AKNAD1: variants seen among roughly 807,000 people sequenced by gnomAD.
AKNAD1 encodes the protein AKNA domain containing 1, also known as protein AKNAD1.
A neutral mutation model predicts 90.8 loss-of-function variants in AKNAD1; 67 were observed. The ratio of observed to expected loss-of-function variants is 0.74; its 90% confidence interval spans 0.61 to 0.90. AKNAD1 has a LOEUF of 0.90. Among genes scored for constraint, AKNAD1 ranks in the 40% least tolerant of loss-of-function variants. AKNAD1 has a pLI of 0.00. For missense variants in AKNAD1, 957 were observed against 975.4 expected (o/e 0.98, Z 0.25); for synonymous variants, 327 against 341.4 (o/e 0.96, Z 0.46).
chr1:108,818,833 G>A (rs1440630862), intron 14 of AKNAD1, among the ~76,000 whole-genome samples: 1 of 151,914 alleles, frequency 6.6e-6, no homozygotes, highest in African/African-American at 2.4e-5. Flanking sequence ...CATGGTGGCG[G>A]GTGCCTATAA....
rs1357935075 is a variant in AKNAD1 at position 108,852,350 on chromosome 1, A to C, written c.315T>G (p.Ser105=). 1.2e-6 allele frequency: 2 copies of C among 1,614,118 alleles called. No individual in the cohort carries two copies. The highest frequency in any genetic ancestry group is 1.7e-6 in the Non-Finnish European group (2 of 1,179,986). Residue 105 remains serine (S), a synonymous_variant, in exon 2 of 16, where the codon TCT becomes TCG. Transcript: ENST00000370001. ...GTAAAATATCAGAAATGCTTGACTT[A>C]GAAGCGTCTCCTTCATTTGCTGGAA... ...LHIPANEGDA[S]KSSISDILLH...
At position 108,852,229 on chromosome 1, in the gene AKNAD1, C is replaced by T. The variant is rs372173981; in HGVS notation, c.436G>A (p.Ala146Thr). The T allele has an allele frequency of 1.2e-6, 2 of 1,613,476 alleles. No homozygotes were observed. The highest frequency in any genetic ancestry group is 1.7e-5 in the Admixed American group (1 of 59,924). ...CATGAAATAATACTTTTAATAATAG[C>T]TTCCTCTTCAAAACTGTCGGCATTT... ...ISNADSFEEE[A>T]IIKSIISCYN... The change falls in exon 2 of 16, where the codon GCT (alanine) becomes ACT (threonine). Residue 146 changes from alanine to threonine, a missense_variant. Physicochemically the swap from Ala to Thr is moderately conservative, Grantham distance 58. Coordinates refer to ENST00000370001, the MANE Select transcript of AKNAD1 (RefSeq NM_152763.5).
chr1:108,817,947 T>C (rs1663674372), intron 14 of AKNAD1, among the ~76,000 whole-genome samples: 1 of 152,150 alleles, frequency 6.6e-6, no homozygotes, highest in Non-Finnish European at 1.5e-5. Context: ...TAAAAGCAGC[T>C]CCTTTTGAAG....
intron 14 of AKNAD1, chr1:108,817,496 A>ATTTT (rs1663652725): frequency 6.6e-5 from 3 of 45,154 alleles, no homozygotes; most frequent in African/African-American, 2.6e-4. Flanking sequence ...TTTTTTTTTT[A>ATTTT]ATTTTTTTTT....
intron 2 of AKNAD1, among the ~76,000 whole-genome samples, chr1:108,850,635 TA>T (rs111752026): frequency 0.091 from 12,682 of 139,668 alleles, 674 homozygotes; most frequent in African/African-American, 0.16. Context: ...AAATGGAAAT[TA>T]AAAAAAAGAG....
Position 108,816,052 on chromosome 1 carries a change from C to T in AKNAD1, c.*119G>A, listed in dbSNP as rs1021869739. ...TTGTGTTACCCATTTCTTATGGTTT[C>T]TGTGTTTTCTCTAGAAAGTCATCTT... On this transcript the variant is annotated 3_prime_UTR_variant, in exon 16 of 16. Transcript: ENST00000370001. 4 of 1,084,970 alleles carry T rather than the reference C, an allele frequency of 3.7e-6. No individual in the cohort carries two copies. Among genetic ancestry groups the T allele is most frequent in the African/African-American group, 3.2e-5 (2 of 61,942 alleles). The allele number at this position is 1,084,970 out of a possible 1,614,324, so 67.2% of individuals were successfully genotyped here.
rs762356395 is a variant in AKNAD1, at chr1:108,852,675, C to T, written c.-11G>A. 2.6e-6 allele frequency: 4 copies of T among 1,550,902 alleles called. No individual in the cohort carries two copies. In the Admixed American group the frequency reaches 8.1e-5, roughly 31 times the overall value. On this transcript the variant is annotated 5_prime_UTR_variant, in exon 2 of 16. Transcript: ENST00000370001. ...ATCAGCCTCATCCATGTGTGTGCAG[C>T]CCGATCGCTCTCGTCCTCTGCCTCC...
Position 108,852,489 on chromosome 1 carries a change from A to G in AKNAD1, c.176T>C (p.Met59Thr). 1 of 1,614,102 alleles carries G rather than the reference A, an allele frequency of 6.2e-7. No homozygotes were observed. Among genetic ancestry groups the G allele is most frequent in the Non-Finnish European group, 8.5e-7 (1 of 1,179,994 alleles). The change falls in exon 2 of 16, where the codon ATG becomes ACG. Residue 59 changes from methionine to threonine, a missense_variant. Met to Thr is a moderately conservative substitution (Grantham distance 81). Coordinates refer to ENST00000370001, the MANE Select transcript of AKNAD1 (RefSeq NM_152763.5). ...FIADDPQEKA[M>T]HSETCGNTAV... ...TGTATTTCCACAAGTCTCACTATGC[A>G]TAGCCTTCTCTTGAGGGTCATCTGC...
At chr1:108,819,955 C>T (rs1481376045) in intron 14 of AKNAD1, among the ~76,000 whole-genome samples, 1 of 150,692 alleles carries the variant, frequency 6.6e-6, no homozygotes. Flanking sequence ...TAATTGGCTT[C>T]CTCTTGCTCC....
chr1:108,826,148 T>C (rs1313688393), intron 11 of AKNAD1, among the ~76,000 whole-genome samples: 1 of 151,720 alleles, frequency 6.6e-6, no homozygotes, highest in Non-Finnish European at 1.5e-5. Flanking sequence ...ATGAACCCTA[T>C]TATTATTTGG....
chr1:108,832,223 T>C (rs1306711547), intron 9 of AKNAD1, among the ~76,000 whole-genome samples: 1 of 147,614 alleles, frequency 6.8e-6, no homozygotes, highest in African/African-American at 2.5e-5. Flanking sequence ...TTTTTTTTTT[T>C]TTTTTTTTTT....
chr1:108,827,611 G>T (rs766063988), intron 10 of AKNAD1, among the ~76,000 whole-genome samples: 7 of 150,182 alleles, frequency 4.7e-5, no homozygotes, highest in Non-Finnish European at 8.9e-5. Context: ...TCAGGAGATC[G>T]AGACCATCCT....
Position 108,852,885 on chromosome 1 carries a change from G to A in AKNAD1, c.-103-118C>T. ...AATTCAGTTACAAACAGGAAGGCAG[G>A]AAGCTCAACCACAAGCTGACCCAAC... On this transcript the variant is annotated intron_variant, in intron 1 of 15. Transcript: ENST00000370001. 7.4e-6 allele frequency: 3 copies of A among 403,320 alleles called. No individual in the cohort carries two copies. In the South Asian group the frequency reaches 3.1e-4, roughly 41 times the overall value. The allele number at this position is 403,320 out of a possible 1,614,324, so 25.0% of individuals were successfully genotyped here. A position where few individuals can be genotyped will look rare whatever the true frequency, so the allele number is the denominator to read the frequency against.
chr1:108,827,692 T>C (rs1664051227), intron 10 of AKNAD1, among the ~76,000 whole-genome samples: 1 of 150,414 alleles, frequency 6.6e-6, no homozygotes, highest in African/African-American at 2.4e-5. Flanking sequence ...TGGGTGCCTG[T>C]AGTCCCAGCT....
Position 108,817,241 on chromosome 1 carries a change from G to A in AKNAD1, c.2250-64C>T, listed in dbSNP as rs569594116. 2.8e-5 allele frequency: 45 copies of A among 1,595,264 alleles called. No individual in the cohort carries two copies. In the Admixed American group the frequency reaches 4.1e-4, roughly 14 times the overall value. On this transcript the variant is annotated intron_variant, in intron 14 of 15. Transcript: ENST00000370001. ...CACCCTCAAGCACACTCCTGTTCAC[G>A]TCAGCTCTGTGGTAGGTAATGGCTC... is the stretch of plus-strand genomic sequence containing the variant.
rs1208771963 is a variant in AKNAD1, at chr1:108,839,840, G to A, written c.1380-2134C>T. ...GTTCGAGACTAGCCTGGAAAACATA[G>A]GGAGACCATGTCTCTACAAAAAAAA... On this transcript the variant is annotated intron_variant, in intron 6 of 15. Coordinates refer to ENST00000370001, the MANE Select transcript of AKNAD1 (RefSeq NM_152763.5). 2.0e-5 allele frequency among the ~76,000 whole-genome samples: 3 copies of A among 152,116 alleles called. No homozygotes were observed. In the East Asian group the frequency reaches 5.8e-4, roughly 29 times the overall value.
intron 11 of AKNAD1, among the ~76,000 whole-genome samples, chr1:108,824,545 G>C (rs143393195): frequency 6.6e-6 from 1 of 151,706 alleles, no homozygotes; most frequent in African/African-American, 2.4e-5. Context: ...GAAGGCCCAG[G>C]GTTGAAGCCT....
chr1:108,834,366 A>G (rs540287829), intron 9 of AKNAD1, 81 bp downstream of exon 9: 7 of 1,185,054 alleles, frequency 5.9e-6, no homozygotes, highest in East Asian at 2.5e-5. Flanking sequence ...CCAATTTCAC[A>G]GTCACATTCA....
At chr1:108,849,127 A>G (rs1032139320) in intron 3 of AKNAD1, 67 bp from the exon 4 acceptor site, 2 of 1,398,030 alleles carry the variant, frequency 1.4e-6, no homozygotes, top group African/African-American at 2.9e-5. Context: ...TTAAGTACTG[A>G]AAACAGAAAG....
Sources: gnomAD v4.1 joint callset for allele counts (sites outside exome capture counted in the v4.1 genomes callset) on GRCh38, gnomAD v4.1.1 for gene constraint, MANE v1.5 for transcripts, NCBI Gene and HGNC (gene_info 2026-07-23, HGNC 2026-07-21) for gene names.